NRG1: variants seen among roughly 807,000 people sequenced by gnomAD.
NRG1 encodes the protein pro-neuregulin-1, membrane-bound isoform.
In NRG1, 18 loss-of-function variants were observed where a neutral mutation model predicts 63.8. The observed-to-expected ratio is 0.28, with a 90% CI of 0.19 to 0.42. The LOEUF (loss-of-function observed/expected upper bound fraction) is 0.42, where lower values mean the gene tolerates loss of function less well. Ranked by LOEUF, NRG1 falls within the 10% of genes least tolerant of loss-of-function variation. The pLI is 1.00. For missense variants in NRG1, 762 were observed against 814.7 expected, an observed-to-expected ratio of 0.94 and a Z score of 0.79; for synonymous variants, 302 against 301.3, an observed-to-expected ratio of 1.00 and a Z score of -0.02.
intron 1 of NRG1, among the ~76,000 whole-genome samples, chr8:32,534,293 T>C (rs1831745457): frequency 6.6e-6 from 1 of 152,066 alleles, no homozygotes; most frequent in African/African-American, 2.4e-5. Context: ...TAGTCAAAGG[T>C]CAAGATAGCA....
intron 1 of NRG1, among the ~76,000 whole-genome samples, chr8:32,326,056 G>A (rs1306132064): frequency 6.7e-6 from 1 of 150,282 alleles, no homozygotes; most frequent in Non-Finnish European, 1.5e-5. Context: ...TGTCACCTAG[G>A]CTGGGTGCAA....
intron 1 of NRG1, among the ~76,000 whole-genome samples, chr8:32,424,526 C>T (rs1417018490): frequency 1.3e-5 from 2 of 152,140 alleles, no homozygotes; most frequent in African/African-American, 4.8e-5. Flanking sequence ...TCAAGTGAGT[C>T]AGGAGATCTG....
chr8:31,724,098 T>C (rs137951179), intron 1 of NRG1, among the ~76,000 whole-genome samples: 181 of 152,168 alleles, frequency 1.2e-3, no homozygotes, highest in African/African-American at 4.0e-3. Context: ...TATAATTAGG[T>C]AATATTAGCC....
intron 1 of NRG1, among the ~76,000 whole-genome samples, chr8:32,110,336 A>C (rs897035078): frequency 1.3e-5 from 2 of 152,158 alleles, no homozygotes; most frequent in South Asian, 4.1e-4. Flanking sequence ...AGAAAGTCAA[A>C]GGAAAGGAGA....
chr8:32,401,801 G>T (rs767359980), intron 1 of NRG1, among the ~76,000 whole-genome samples: 4 of 152,138 alleles, frequency 2.6e-5, no homozygotes, highest in African/African-American at 4.8e-5. Flanking sequence ...TTCATACCTG[G>T]GTTACAAAAT....
intron 1 of NRG1, among the ~76,000 whole-genome samples, chr8:31,896,350 A>G (rs1271095473): frequency 1.3e-5 from 2 of 152,240 alleles, no homozygotes; most frequent in African/African-American, 4.8e-5. Flanking sequence ...CCTGTCCTTA[A>G]TAAGTCCAAA....
chr8:32,458,791 T>C (rs1224315066), intron 1 of NRG1, among the ~76,000 whole-genome samples: 1 of 152,200 alleles, frequency 6.6e-6, no homozygotes, highest in Non-Finnish European at 1.5e-5. Context: ...CTGGAATTTG[T>C]GTTTGCTTAT....
At chr8:32,615,017 G>A (rs1847089465) in intron 4 of NRG1, among the ~76,000 whole-genome samples, 1 of 143,174 alleles carries the variant, frequency 7.0e-6, no homozygotes, top group African/African-American at 2.7e-5. Context: ...AAACAGAACA[G>A]AACAGAACAA....
At chr8:32,762,738 G>A (rs757674646) in intron 11 of NRG1, among the ~76,000 whole-genome samples, 13 of 152,262 alleles carry the variant, frequency 8.5e-5, no homozygotes, top group African/African-American at 1.2e-4. Flanking sequence ...AGTGTTGTGC[G>A]TTGGTAACAT....
chr8:31,814,066 CAG>C (rs1479753322), intron 1 of NRG1, among the ~76,000 whole-genome samples: 1 of 152,134 alleles, frequency 6.6e-6, no homozygotes, highest in African/African-American at 2.4e-5. Flanking sequence ...TATTGCCTCA[CAG>C]AGTTTTATAC....
rs11304829 is a variant in NRG1, at chr8:31,713,109, A to ATTTT, written c.37+73700_37+73703dup. On this transcript the variant is annotated intron_variant, in intron 1 of 10. Coordinates refer to the NRG1 transcript ENST00000519301. The stretch of plus-strand genomic sequence containing the variant: ...CCTACTCACTGCCATACTCCTTCTA[A>ATTTT]TTTTTTTTTTTTTTTTTTTTTTTTT... Among the ~76,000 whole-genome samples the ATTTT allele has an allele frequency of 5.9e-4, 51 of 86,074 alleles. 2 individuals carry two copies. Among genetic ancestry groups the ATTTT allele is most frequent in the Non-Finnish European group, 9.7e-4 (41 of 42,198 alleles). 56.5% of individuals were successfully genotyped at this position (86,074 alleles called of 152,430 possible).
intron 1 of NRG1, among the ~76,000 whole-genome samples, chr8:32,459,281 C>T (rs13280769): frequency 0.053 from 8,025 of 152,246 alleles, 285 homozygotes; most frequent in Middle Eastern, 0.085. Flanking sequence ...TCTTCTGATC[C>T]CCATATCCTA....
At chr8:32,335,676 A>T (rs531026148) in intron 1 of NRG1, among the ~76,000 whole-genome samples, 1 of 152,140 alleles carries the variant, frequency 6.6e-6, no homozygotes. Context: ...TTATTTCATA[A>T]ATGAGATTCT....
chr8:32,753,907 G>C (rs1012544948), intron 7 of NRG1, among the ~76,000 whole-genome samples: 1 of 152,136 alleles, frequency 6.6e-6, no homozygotes. Context: ...GGGATAAAGA[G>C]GGGAGGAAGG....
At chr8:32,334,211 A>T (rs16879147) in intron 1 of NRG1, among the ~76,000 whole-genome samples, 14,528 of 152,162 alleles carry the variant, frequency 0.095, 964 homozygotes, top group African/African-American at 0.18. Flanking sequence ...AGTGTCCAGC[A>T]TGGAGAAAGT....
At chr8:32,716,068 A>T (rs2128992964) in intron 5 of NRG1, among the ~76,000 whole-genome samples, 1 of 151,682 alleles carries the variant, frequency 6.6e-6, no homozygotes, top group East Asian at 1.9e-4. Flanking sequence ...TCATCTGTGA[A>T]CTCTTCCCTT....
intron 1 of NRG1, among the ~76,000 whole-genome samples, chr8:32,571,874 A>G (rs1838661743): frequency 6.6e-6 from 1 of 152,170 alleles, no homozygotes; most frequent in African/African-American, 2.4e-5. Context: ...GTGACCATAT[A>G]TGCTCATTTT....
chr8:31,827,590 C>T (rs1824696170), intron 1 of NRG1, among the ~76,000 whole-genome samples: 1 of 152,170 alleles, frequency 6.6e-6, no homozygotes, highest in Admixed American at 6.5e-5. Context: ...TGATAAATAT[C>T]AAGAATCTAT....
At chr8:32,103,933 T>C (rs1830911325) in intron 1 of NRG1, among the ~76,000 whole-genome samples, 2 of 152,132 alleles carry the variant, frequency 1.3e-5, no homozygotes, top group Admixed American at 1.3e-4. Context: ...AGGGAGGATT[T>C]TATCCAAAGA....
Sources: allele counts gnomAD v4.1 joint callset (sites outside exome capture counted in the v4.1 genomes callset), GRCh38; gene constraint gnomAD v4.1.1; transcripts MANE v1.5; gene names NCBI Gene and HGNC (gene_info 2026-07-23, HGNC 2026-07-21).